The following CHST3 variants were observed in gnomAD, a reference collection of about 807,000 sequenced individuals.
The protein encoded by CHST3 is C6ST-1.
Under a neutral mutation model 35.4 loss-of-function variants are expected in CHST3, and 20 were observed. That is an observed-to-expected ratio of 0.57 (90% CI 0.40 to 0.82). The LOEUF (loss-of-function observed/expected upper bound fraction) is 0.82, where lower values mean the gene tolerates loss of function less well. CHST3 is among the 40% of genes least tolerant of loss of function. CHST3 has a pLI of 0.00. For synonymous variants in CHST3, 334 were observed against 295.9 expected (o/e 1.13, Z -1.32); for missense variants, 693 against 670.1 (o/e 1.03, Z -0.38).
intron 1 of CHST3, among the ~76,000 whole-genome samples, chr10:71,991,179 T>C (rs1428443324): frequency 6.6e-6 from 1 of 152,360 alleles, no homozygotes; most frequent in African/African-American, 2.4e-5. Context: ...ACCAGTCATA[T>C]GGCCTCAGCC....
intron 1 of CHST3, among the ~76,000 whole-genome samples, chr10:71,996,449 T>TAC (rs1183768345): frequency 1.9e-5 from 2 of 104,198 alleles, no homozygotes; most frequent in Non-Finnish European, 4.1e-5. Flanking sequence ...TATGTGTCTC[T>TAC]GCGTGTGTGT....
intron 1 of CHST3, among the ~76,000 whole-genome samples, chr10:72,002,273 G>C (rs1840001160): frequency 6.6e-6 from 1 of 152,178 alleles, no homozygotes; most frequent in South Asian, 2.1e-4. Flanking sequence ...CTGGGGATGA[G>C]GAGGCTGGAA....
Position 71,978,307 on chromosome 10 carries a change from G to A in CHST3, c.-108+13613G>A, listed in dbSNP as rs375271610. 4.0e-5 allele frequency among the ~76,000 whole-genome samples: 6 copies of A among 151,714 alleles called. No homozygotes were observed. In the South Asian group the frequency reaches 1.3e-3, roughly 32 times the overall value. On this transcript the variant is annotated intron_variant, in intron 1 of 2. Transcript: ENST00000373115. ...CTTGAACCAGGGAGACGGAGGTTGCGGTGAGCCGAGATCACACCATTGCAC... is the reference window on the plus strand; with the variant it reads ...CTTGAACCAGGGAGACGGAGGTTGCAGTGAGCCGAGATCACACCATTGCAC...
intron 1 of CHST3, among the ~76,000 whole-genome samples, chr10:71,990,512 C>T (rs144113908): frequency 0.01 from 1,595 of 152,244 alleles, 19 homozygotes; most frequent in African/African-American, 0.036. Context: ...TACAGGCATA[C>T]GCCTCCATGC....
chr10:71,993,554 G>A (rs1422848818), intron 1 of CHST3, among the ~76,000 whole-genome samples: 1 of 152,170 alleles, frequency 6.6e-6, no homozygotes, highest in African/African-American at 2.4e-5. Context: ...AGTCACAAAT[G>A]TTCTTACTGG....
At chr10:71,993,960 C>T (rs112062046) in intron 1 of CHST3, among the ~76,000 whole-genome samples, 14,657 of 152,082 alleles carry the variant, frequency 0.096, 721 homozygotes, top group Admixed American at 0.15. Flanking sequence ...ATTAGCCAAG[C>T]GTGGTGGCGG....
chr10:71,964,573 G>A lies in CHST3; in HGVS notation c.-229G>A, dbSNP rs1839610237. On this transcript the variant is annotated 5_prime_UTR_variant, in exon 1 of 3. Transcript: ENST00000373115. ...CACAGCTCGGGCCGCGCGGGCGCCG[G>A]GGCCGCGGAACCGCTTCTGCCGGGA... 6.6e-6 allele frequency: 1 copy of A among 152,038 alleles called. No homozygotes were observed. Among genetic ancestry groups the A allele is most frequent in the African/African-American group, 2.4e-5 (1 of 41,436 alleles). 9.4% of individuals were successfully genotyped at this position (152,038 alleles called of 1,614,324 possible).
At chr10:72,006,755 C>G (rs192857814) in intron 2 of CHST3, among the ~76,000 whole-genome samples, 6 of 152,312 alleles carry the variant, frequency 3.9e-5, no homozygotes, top group East Asian at 1.9e-4. Context: ...TCAATCCCCC[C>G]CCTTGGGTCA....
intron 1 of CHST3, among the ~76,000 whole-genome samples, chr10:71,995,156 G>A (rs574049796): frequency 6.6e-6 from 1 of 152,276 alleles, no homozygotes; most frequent in South Asian, 2.1e-4. Flanking sequence ...CGGGTGCGGT[G>A]ACTCACGCCT....
At chr10:71,978,529 C>T (rs1424561065) in intron 1 of CHST3, among the ~76,000 whole-genome samples, 2 of 152,230 alleles carry the variant, frequency 1.3e-5, no homozygotes, top group African/African-American at 4.8e-5. Context: ...TTCCCCAGAG[C>T]TCATTTAATA....
rs187159200 is a variant in CHST3, at chr10:71,976,805, A to G, written c.-108+12111A>G. ...TTTCTCAAACAAGAGGCTACCCTCA[A>G]AAGAACTTTGCCTCTACGGATAGAA... On this transcript the variant is annotated intron_variant, in intron 1 of 2. Transcript: ENST00000373115. 2.1e-3 allele frequency among the ~76,000 whole-genome samples: 325 copies of G among 152,370 alleles called. 1 individual carries two copies. Among genetic ancestry groups the G allele is most frequent in the African/African-American group, 7.6e-3 (314 of 41,578 alleles).
At chr10:71,998,760 T>C (rs1839964925) in intron 1 of CHST3, among the ~76,000 whole-genome samples, 1 of 152,378 alleles carries the variant, frequency 6.6e-6, no homozygotes, top group East Asian at 1.9e-4. Context: ...CTTTGCCTGC[T>C]TCTACTCAGT....
At chr10:71,980,074 C>A (rs1839786109) in intron 1 of CHST3, among the ~76,000 whole-genome samples, 1 of 152,130 alleles carries the variant, frequency 6.6e-6, no homozygotes. Flanking sequence ...CAGGCCATGG[C>A]CTTCAAAACC....
chr10:71,984,538 C>T (rs1393448990), intron 1 of CHST3, among the ~76,000 whole-genome samples: 1 of 152,148 alleles, frequency 6.6e-6, no homozygotes, highest in Non-Finnish European at 1.5e-5. Flanking sequence ...CTGATCTGTC[C>T]ACTGCTGTAC....
intron 1 of CHST3, among the ~76,000 whole-genome samples, chr10:71,986,977 C>T (rs1839852413): frequency 6.6e-6 from 1 of 152,228 alleles, no homozygotes; most frequent in Admixed American, 6.5e-5. Context: ...ATTCCTCACC[C>T]AACGTCAGCA....
intron 1 of CHST3, among the ~76,000 whole-genome samples, chr10:72,003,267 C>A (rs1416736582): frequency 6.6e-6 from 1 of 152,230 alleles, no homozygotes; most frequent in African/African-American, 2.4e-5. Context: ...ACAGACCATA[C>A]CTGCTTGTTC....
At chr10:71,992,977 C>G (rs896176427) in intron 1 of CHST3, among the ~76,000 whole-genome samples, 1 of 152,096 alleles carries the variant, frequency 6.6e-6, no homozygotes, top group Non-Finnish European at 1.5e-5. Context: ...ATAGAATATT[C>G]TAAATCAAGC....
intron 1 of CHST3, among the ~76,000 whole-genome samples, chr10:71,991,060 T>C (rs181456655): frequency 8.0e-4 from 122 of 152,326 alleles, no homozygotes; most frequent in African/African-American, 2.7e-3. Flanking sequence ...AGTTGGAACA[T>C]GTGGCCTCCA....
intron 1 of CHST3, among the ~76,000 whole-genome samples, chr10:71,980,692 A>T (rs1330363176): frequency 6.6e-6 from 1 of 151,936 alleles, no homozygotes; most frequent in Non-Finnish European, 1.5e-5. Flanking sequence ...CAGTCTGGGG[A>T]CCCCACTTTG....
Sources: allele counts gnomAD v4.1 joint callset (sites outside exome capture counted in the v4.1 genomes callset), GRCh38; gene constraint gnomAD v4.1.1; transcripts MANE v1.5; gene names NCBI Gene and HGNC (gene_info 2026-07-23, HGNC 2026-07-21).